KIF13A: variants seen among roughly 807,000 people sequenced by gnomAD.
The protein encoded by KIF13A is kinesin family member 13A.
KIF13A carries 79 observed loss-of-function variants against 212.2 expected under a neutral mutation model. The observed-to-expected ratio is 0.37, with a 90% confidence interval of 0.31 to 0.45. KIF13A has a LOEUF of 0.45. KIF13A is among the 20% of genes least tolerant of loss of function. The pLI is 1.00. For missense variants in KIF13A, 1,901 were observed against 2,209.0 expected (o/e 0.86, Z 2.79); for synonymous variants, 789 against 808.6 (o/e 0.98, Z 0.41).
At position 17,899,068 on chromosome 6, in the gene KIF13A, T is replaced by TC. The variant is rs1383866830; in HGVS notation, c.147-889dup. Among the ~76,000 whole-genome samples the TC allele has an allele frequency of 6.6e-6, 1 of 151,984 alleles. No individual in the cohort carries two copies. Among genetic ancestry groups the TC allele is most frequent in the Non-Finnish European group, 1.5e-5 (1 of 68,018 alleles). On this transcript the variant is annotated intron_variant, in intron 2 of 38. Transcript: ENST00000259711. The surrounding 1 kb of genome is among the most constrained non-coding windows in gnomAD (Gnocchi z 5.2). ...GTCTCAAACTCCTGACCTCAAGCAA[T>TC]CCCCCCACCTCAGCCTCCCAAAGTG...
chr6:17,792,181 G>C lies in KIF13A; in HGVS notation c.3222+2068C>G, dbSNP rs539674760. 7.7e-5 allele frequency among the ~76,000 whole-genome samples: 9 copies of C among 117,552 alleles called. No homozygotes were observed. The South Asian group carries it at 2.2e-3, about 29-fold the overall frequency. The allele number at this position is 117,552 out of a possible 152,430, so 77.1% of individuals were successfully genotyped here. On this transcript the variant is annotated intron_variant, in intron 25 of 38. Coordinates refer to ENST00000259711, the MANE Select transcript of KIF13A (RefSeq NM_022113.6). The stretch of plus-strand genomic sequence containing the variant: ...TTGCACCATTGCACTCCAGCCTAGG[G>C]GACAGAGTGAGACTCAAAAAAAAAA...
At chr6:17,881,628 C>T (rs997185458) in intron 3 of KIF13A, 41 of 350,474 alleles carry the variant, frequency 1.2e-4, no homozygotes, top group Non-Finnish European at 1.5e-4. Context: ...ACTCAGGAAG[C>T]GGAGGTTGCA....
chr6:17,760,770 G>T, downstream of KIF13A: 1 of 1,398,752 alleles, frequency 7.1e-7, no homozygotes, highest in Non-Finnish European at 1.0e-6. Context: ...GCGGCAGCAT[G>T]TTTTAGAGAT....
At chr6:17,974,232 C>A (rs533035596) in intron 2 of KIF13A, among the ~76,000 whole-genome samples, 2 of 152,320 alleles carry the variant, frequency 1.3e-5, no homozygotes, top group Admixed American at 6.5e-5. Flanking sequence ...CAGGCACACG[C>A]CAACATGCCC....
chr6:17,986,702 G>A (rs1446902894), intron 2 of KIF13A, among the ~76,000 whole-genome samples: 1 of 152,230 alleles, frequency 6.6e-6, no homozygotes. Flanking sequence ...TCGTGGGCTG[G>A]TCACCTGCCC....
intron 4 of KIF13A, among the ~76,000 whole-genome samples, chr6:17,864,980 A>G (rs1769211732): frequency 2.0e-5 from 3 of 152,328 alleles, no homozygotes; most frequent in South Asian, 4.1e-4. Context: ...TATCATTCCT[A>G]CACCCAACAT....
intron 3 of KIF13A, chr6:17,882,011 GAAGT>G (rs1337177723): frequency 2.2e-6 from 1 of 456,616 alleles, no homozygotes; most frequent in Non-Finnish European, 4.4e-6. Flanking sequence ...AATAAAAAAA[GAAGT>G]AAGATCTTCT....
At chr6:17,784,458 G>C (rs543782715) in intron 28 of KIF13A, among the ~76,000 whole-genome samples, 3 of 152,156 alleles carry the variant, frequency 2.0e-5, no homozygotes, top group East Asian at 1.9e-4. Flanking sequence ...AACTTGCCCA[G>C]CTGCATCAGA....
At chr6:17,922,840 T>C (rs1581741430) in intron 2 of KIF13A, among the ~76,000 whole-genome samples, 1 of 151,738 alleles carries the variant, frequency 6.6e-6, no homozygotes, top group Non-Finnish European at 1.5e-5. Context: ...CCTAGGCTGG[T>C]CTCAAACTCC....
chr6:17,926,971 C>T lies in KIF13A; in HGVS notation c.147-28791G>A, dbSNP rs1413929335. Among the ~76,000 whole-genome samples, 1 of 151,982 alleles carries T rather than the reference C, an allele frequency of 6.6e-6. No homozygotes were observed. The highest frequency in any genetic ancestry group is 1.5e-5 in the Non-Finnish European group (1 of 67,994). ...GCGCCAACATGGTGAAACCTCATCT[C>T]TACTAAAAATACAAAAATTAGCCAG... On this transcript the variant is annotated intron_variant, in intron 2 of 38. Transcript: ENST00000259711. The surrounding 1 kb of genome is among the most constrained non-coding windows in gnomAD (Gnocchi z 4.3).
chr6:17,769,314 A>G lies in KIF13A; in HGVS notation c.4581+1800T>C, dbSNP rs112664513. Among the ~76,000 whole-genome samples, 675 of 152,332 alleles carry G rather than the reference A, an allele frequency of 4.4e-3. 6 individuals are homozygous for G. Among genetic ancestry groups the G allele is most frequent in the African/African-American group, 0.016 (650 of 41,584 alleles). ...GAATTAAAGAGCCCAATTGCCTCTT[A>G]GGTGCAGAGTGCTCAGCAAGCCAGT... On this transcript the variant is annotated intron_variant, in intron 38 of 38. Coordinates refer to ENST00000259711, the MANE Select transcript of KIF13A (RefSeq NM_022113.6). This position sits in a 1 kb window ranked among gnomAD's most constrained non-coding sequence, Gnocchi z 5.8.
chr6:17,868,989 C>CAAAAAAAAAAA, intron 4 of KIF13A, among the ~76,000 whole-genome samples: 33 of 20,918 alleles, frequency 1.6e-3, no homozygotes, highest in African/African-American at 3.5e-3. Context: ...GACTCCCTCT[C>CAAAAAAAAAAA]AAAAAAAAAA....
intron 4 of KIF13A, among the ~76,000 whole-genome samples, chr6:17,861,321 C>T (rs1768759665): frequency 6.6e-6 from 1 of 152,112 alleles, no homozygotes; most frequent in Non-Finnish European, 1.5e-5. Context: ...TGTTTTAAGA[C>T]AAGAAATAAT....
intron 2 of KIF13A, among the ~76,000 whole-genome samples, chr6:17,924,377 G>A (rs142291433): frequency 1.8e-4 from 27 of 152,214 alleles, no homozygotes; most frequent in African/African-American, 5.8e-4. Flanking sequence ...ATTGCTATGG[G>A]CCCAATGATA....
chr6:17,924,911 G>A (rs561081488), intron 2 of KIF13A, among the ~76,000 whole-genome samples: 5 of 152,250 alleles, frequency 3.3e-5, no homozygotes, highest in African/African-American at 7.2e-5. Flanking sequence ...TTGCTACAAC[G>A]CTTAGGTTAA....
rs190776552 is a variant in KIF13A at position 17,904,398 on chromosome 6, G to A, written c.147-6218C>T. 6.5e-3 allele frequency among the ~76,000 whole-genome samples: 987 copies of A among 152,326 alleles called. 1 individual carries two copies. The highest frequency in any genetic ancestry group is 0.011 in the Non-Finnish European group (763 of 68,030). On this transcript the variant is annotated intron_variant, in intron 2 of 38. Transcript: ENST00000259711. Reference sequence around the variant, plus strand: ...CAGGAGAATCACTTGAACCTGGGAAGCGGAGGTTGCAGTGAGCCGAGATTG... The same window carrying A: ...CAGGAGAATCACTTGAACCTGGGAAACGGAGGTTGCAGTGAGCCGAGATTG...
At position 17,875,353 on chromosome 6, in the gene KIF13A, C is replaced by T. The variant is rs573795492; in HGVS notation, c.160-1916G>A. On this transcript the variant is annotated intron_variant, in intron 3 of 38. Transcript: ENST00000259711. ...ATTAATTCACTTTTACATGAATTAACTTTCTGTATAGCTACTGAATGCCTA... is the reference window on the plus strand; with the variant it reads ...ATTAATTCACTTTTACATGAATTAATTTTCTGTATAGCTACTGAATGCCTA... 3.9e-5 allele frequency among the ~76,000 whole-genome samples: 6 copies of T among 152,138 alleles called. No individual in the cohort carries two copies. The South Asian group carries it at 1.0e-3, about 26-fold the overall frequency.
rs1348576301 is a variant in KIF13A at position 17,915,679 on chromosome 6, A to T, written c.147-17499T>A. ...CACCAGGACAGGAAAATTACAGTTC[A>T]GGCCAGGCACAGTGGCTCACGCCTG... On this transcript the variant is annotated intron_variant, in intron 2 of 38. Transcript: ENST00000259711. The surrounding 1 kb of genome is among the most constrained non-coding windows in gnomAD (Gnocchi z 4.4). Among the ~76,000 whole-genome samples the T allele has an allele frequency of 2.6e-5, 4 of 152,266 alleles. No individual in the cohort carries two copies. Among genetic ancestry groups the T allele is most frequent in the African/African-American group, 9.6e-5 (4 of 41,548 alleles).
At chr6:17,781,087 C>T (rs1760530530) in intron 30 of KIF13A, 90 bp downstream of exon 30, 3 of 1,537,530 alleles carry the variant, frequency 2.0e-6, no homozygotes, top group Non-Finnish European at 1.8e-6. Flanking sequence ...GTCTTTTTCC[C>T]CAAAGCAAAC....
Sources: gnomAD v4.1 joint callset for allele counts (sites outside exome capture counted in the v4.1 genomes callset) on GRCh38, gnomAD v4.1.1 for gene constraint, Gnocchi (gnomAD v3.1) non-coding constraint, MANE v1.5 for transcripts, NCBI Gene and HGNC (gene_info 2026-07-23, HGNC 2026-07-21) for gene names.